Variants in PAPOLA observed in about 807,000 individuals in gnomAD.
PAPOLA encodes the protein polynucleotide adenylyltransferase alpha.
Under a neutral mutation model 100.6 loss-of-function variants are expected in PAPOLA, and 15 were observed. The observed-to-expected ratio is 0.15, with a 90% CI of 0.10 to 0.23. PAPOLA has a LOEUF of 0.23. Among genes scored for constraint, PAPOLA ranks in the 10% least tolerant of loss-of-function variants. PAPOLA has a pLI of 1.00. For missense variants in PAPOLA, 533 were observed against 884.2 expected (o/e 0.60, Z 5.04); for synonymous variants, 293 against 300.0 (o/e 0.98, Z 0.24).
chr14:96,530,989 A>G (rs923427408), intron 6 of PAPOLA, among the ~76,000 whole-genome samples: 1 of 151,326 alleles, frequency 6.6e-6, no homozygotes, highest in Non-Finnish European at 1.5e-5. Context: ...GTGCCACTAC[A>G]CCTGGCTAAT....
At chr14:96,555,322 C>G (rs1186477934) in intron 17 of PAPOLA, among the ~76,000 whole-genome samples, 4 of 150,850 alleles carry the variant, frequency 2.7e-5, no homozygotes, top group Admixed American at 2.6e-4. Flanking sequence ...AATCCTTCCA[C>G]CTCACCTCCC....
At position 96,565,380 on chromosome 14, in the gene PAPOLA, A is replaced by G. The variant is rs1902194052; in HGVS notation, c.*330A>G. 3 of 301,376 alleles carry G rather than the reference A, an allele frequency of 1.0e-5. No individual in the cohort carries two copies. The highest frequency in any genetic ancestry group is 4.9e-5 in the Admixed American group (1 of 20,332). 18.7% of individuals were successfully genotyped at this position (301,376 alleles called of 1,614,324 possible). A position where few individuals can be genotyped will look rare whatever the true frequency, so the allele number is the denominator to read the frequency against. ...TGATGCATTGTTTGGAAAATTTGCA[A>G]TACAAACTGGCATAAGAATTACTTA... On this transcript the variant is annotated 3_prime_UTR_variant, in exon 22 of 22. Transcript: ENST00000216277.
At chr14:96,515,788 G>A (rs559598185) in intron 1 of PAPOLA, among the ~76,000 whole-genome samples, 4 of 152,272 alleles carry the variant, frequency 2.6e-5, no homozygotes, top group Middle Eastern at 3.4e-3. Context: ...TTTCCTTTTT[G>A]TGTTACGTAA....
At position 96,544,291 on chromosome 14, in the gene PAPOLA, A is replaced by G. The variant is rs368264194; in HGVS notation, c.1399+33A>G. The G allele has an allele frequency of 1.1e-5, 11 of 990,532 alleles. No homozygotes were observed. The African/African-American group carries it at 1.4e-4, about 13-fold the overall frequency. The allele number at this position is 990,532 out of a possible 1,614,324, so 61.4% of individuals were successfully genotyped here. A position where few individuals can be genotyped will look rare whatever the true frequency, so the allele number is the denominator to read the frequency against. On this transcript the variant is annotated intron_variant, in intron 15 of 21. Transcript: ENST00000216277. ...TTTACTTGGATAATCAAAACACTTC[A>G]GTTCTTGCATATTTCAAATTGTCTT...
intron 1 of PAPOLA, among the ~76,000 whole-genome samples, chr14:96,510,759 T>C (rs1446294878): frequency 6.6e-6 from 1 of 152,234 alleles, no homozygotes; most frequent in Non-Finnish European, 1.5e-5. Context: ...ATCTAAATAT[T>C]TTTAGTACCA....
At position 96,556,181 on chromosome 14, in the gene PAPOLA, C is replaced by T. The variant is rs767227804; in HGVS notation, c.1772C>T (p.Ser591Leu). The T allele has an allele frequency of 8.1e-6, 13 of 1,612,038 alleles. No homozygotes were observed. The highest frequency in any genetic ancestry group is 1.6e-4 in the Middle Eastern group (1 of 6,082). ...TCATATATTTGCTGCTTAGGTACAT[C>T]GAGTGAAAGCATTCCTCAAACTGCC... ...VNSSESSGGT[S>L]SESIPQTATQ... The change falls in exon 19 of 22, where the codon TCG (serine) becomes TTG (leucine). Residue 591 changes from serine to leucine, a missense_variant. This residue lies in a region of PAPOLA where 242 missense variants were observed against 281.0 expected (regional missense o/e 0.86). Transcript: ENST00000216277.
At chr14:96,509,087 AG>A (rs1301430110) in intron 1 of PAPOLA, among the ~76,000 whole-genome samples, 1 of 152,188 alleles carries the variant, frequency 6.6e-6, no homozygotes, top group Non-Finnish European at 1.5e-5. Flanking sequence ...GCTGGAATGC[AG>A]TGGTGTGATC....
chr14:96,533,990 A>G (rs1240205597), intron 9 of PAPOLA: 6 of 986,072 alleles, frequency 6.1e-6, no homozygotes, highest in Middle Eastern at 5.2e-4. Flanking sequence ...TATGGAACAC[A>G]TATGAAAATG....
chr14:96,511,243 G>C (rs1342415067), intron 1 of PAPOLA, among the ~76,000 whole-genome samples: 1 of 152,194 alleles, frequency 6.6e-6, no homozygotes, highest in African/African-American at 2.4e-5. Flanking sequence ...GGATTAATCA[G>C]TAGTGCCTGA....
At chr14:96,518,245 C>T (rs187828590) in intron 1 of PAPOLA, among the ~76,000 whole-genome samples, 33 of 152,300 alleles carry the variant, frequency 2.2e-4, no homozygotes, top group African/African-American at 6.3e-4. Context: ...ATTAGTAACA[C>T]GCAGTATGGG....
chr14:96,533,959 A>G, intron 9 of PAPOLA: 2 of 985,408 alleles, frequency 2.0e-6, no homozygotes, highest in Non-Finnish European at 2.4e-6. Flanking sequence ...CCTCTTTCAT[A>G]TGGGACCAAA....
At chr14:96,513,657 T>C (rs1897249316) in intron 1 of PAPOLA, among the ~76,000 whole-genome samples, 1 of 152,228 alleles carries the variant, frequency 6.6e-6, no homozygotes, top group Admixed American at 6.5e-5. Context: ...TTTTTGTCTT[T>C]CATTCTTACC....
At position 96,532,322 on chromosome 14, in the gene PAPOLA, A is replaced by G. The variant is rs997097879; in HGVS notation, c.608-9A>G. 1 of 1,593,570 alleles carries G rather than the reference A, an allele frequency of 6.3e-7. No individual in the cohort carries two copies. The highest frequency in any genetic ancestry group is 8.5e-7 in the Non-Finnish European group (1 of 1,173,934). The stretch of plus-strand genomic sequence containing the variant: ...TGTGTGTGTGTTTTTTTTTACCCCT[A>G]TTAATTAGGTTGCAGGGTAACCGAT... On this transcript the variant is annotated splice_polypyrimidine_tract_variant and intron_variant, in intron 7 of 21. Transcript: ENST00000216277.
At chr14:96,559,005 T>A (rs542266628) in intron 19 of PAPOLA, among the ~76,000 whole-genome samples, 1 of 151,830 alleles carries the variant, frequency 6.6e-6, no homozygotes, top group African/African-American at 2.4e-5. Flanking sequence ...CCTCCCCCAC[T>A]TTTCCCTGTA....
At position 96,538,142 on chromosome 14, in the gene PAPOLA, A is replaced by G. The variant is rs538725509; in HGVS notation, c.1115+1082A>G. On this transcript the variant is annotated intron_variant, in intron 12 of 21. Coordinates refer to ENST00000216277, the MANE Select transcript of PAPOLA (RefSeq NM_032632.5). Reference sequence around the variant, plus strand: ...CCTTGGAACATTTAAACTAATAAACATGTATGTAGATACTTTTAAAACTAT... The same window carrying G: ...CCTTGGAACATTTAAACTAATAAACGTGTATGTAGATACTTTTAAAACTAT... 3.5e-4 allele frequency among the ~76,000 whole-genome samples: 54 copies of G among 152,174 alleles called. 1 individual carries two copies. In the South Asian group the frequency reaches 9.9e-3, roughly 28 times the overall value.
At chr14:96,541,485 C>T (rs962284801) in intron 12 of PAPOLA, among the ~76,000 whole-genome samples, 2 of 152,062 alleles carry the variant, frequency 1.3e-5, no homozygotes, top group Non-Finnish European at 2.9e-5. Context: ...TTGGATTGAA[C>T]TTTTTTAGTC....
chr14:96,541,045 A>C (rs1477454204), intron 12 of PAPOLA, among the ~76,000 whole-genome samples: 1 of 152,124 alleles, frequency 6.6e-6, no homozygotes, highest in African/African-American at 2.4e-5. Context: ...GCTCACCACC[A>C]TGCCCGGCTA....
At chr14:96,535,399 A>G (rs1333500681) in intron 10 of PAPOLA, 12 of 979,538 alleles carry the variant, frequency 1.2e-5, no homozygotes, top group Non-Finnish European at 1.5e-5. Context: ...ATTATCTCCT[A>G]ACATATCAAC....
intron 1 of PAPOLA, among the ~76,000 whole-genome samples, chr14:96,507,527 G>A (rs1896816858): frequency 1.3e-5 from 2 of 151,878 alleles, no homozygotes; most frequent in African/African-American, 2.4e-5. Context: ...CGCCTGCCTC[G>A]GCCTCCCAAA....
Sources: gnomAD v4.1 joint callset for allele counts (sites outside exome capture counted in the v4.1 genomes callset) on GRCh38, gnomAD v4.1.1 for gene constraint, gnomAD v4.1.1 regional missense constraint, MANE v1.5 for transcripts, NCBI Gene and HGNC (gene_info 2026-07-23, HGNC 2026-07-21) for gene names.